SKIC3: variants seen among roughly 807,000 people sequenced by gnomAD.
SKIC3 encodes SKI3 subunit of superkiller complex.
chr5:95,470,028 G>A, the SKIC3 span: 4 of 1,219,008 alleles, frequency 3.3e-6, no homozygotes, highest in East Asian at 1.2e-4. Flanking sequence ...CCAGCCTGGA[G>A]TGCAGTGGCG....
At chr5:95,500,210 A>G in the SKIC3 span, among the ~76,000 whole-genome samples, 1 of 152,208 alleles carries the variant, frequency 6.6e-6, no homozygotes, top group African/African-American at 2.4e-5. Context: ...TGTACCAGGA[A>G]TCACAAGTTA....
the SKIC3 span, chr5:95,497,365 C>A: frequency 7.2e-7 from 1 of 1,385,698 alleles, no homozygotes; most frequent in Admixed American, 1.8e-5. Context: ...TCATATTTAC[C>A]ATATCACAAG....
At chr5:95,498,625 G>GT in the SKIC3 span, 1 of 1,380,598 alleles carries the variant, frequency 7.2e-7, no homozygotes, top group Admixed American at 2.0e-5. Flanking sequence ...CCATTAGTTA[G>GT]TCTTTTTTTT....
chr5:95,539,208 GGACTAA>G, the SKIC3 span, among the ~76,000 whole-genome samples: 2 of 151,632 alleles, frequency 1.3e-5, no homozygotes, highest in African/African-American at 4.8e-5. Context: ...TGTAATTCAT[GGACTAA>G]TATCCAGAAT....
the SKIC3 span, among the ~76,000 whole-genome samples, chr5:95,535,292 C>T: frequency 2.0e-5 from 3 of 150,102 alleles, no homozygotes; most frequent in African/African-American, 7.4e-5. Flanking sequence ...AAAACCAGAG[C>T]TGAAGGTAAC....
At chr5:95,515,874 T>C in the SKIC3 span, among the ~76,000 whole-genome samples, 1 of 152,150 alleles carries the variant, frequency 6.6e-6, no homozygotes, top group Non-Finnish European at 1.5e-5. Flanking sequence ...AATTGCCTAA[T>C]GTATAATTGC....
the SKIC3 span, chr5:95,467,806 G>C: frequency 6.2e-7 from 1 of 1,604,378 alleles, no homozygotes. Flanking sequence ...TTAGATCAAA[G>C]ATAAAACATT....
At chr5:95,514,916 T>A in the SKIC3 span, 1 of 1,612,388 alleles carries the variant, frequency 6.2e-7, no homozygotes, top group Non-Finnish European at 8.5e-7. Flanking sequence ...GAAAGCCTCA[T>A]GAGCTTGCTA....
chr5:95,466,722 T>C, the SKIC3 span, among the ~76,000 whole-genome samples: 2 of 152,208 alleles, frequency 1.3e-5, no homozygotes, highest in Admixed American at 1.3e-4. Context: ...GCCTTGCTTC[T>C]TGCTTAAATA....
At chr5:95,467,963 A>C in the SKIC3 span, 1 of 1,613,278 alleles carries the variant, frequency 6.2e-7, no homozygotes, top group Non-Finnish European at 8.5e-7. Context: ...CTGATATACC[A>C]CTCTTTCCAA....
the SKIC3 span, chr5:95,546,937 T>C: frequency 1.3e-5 from 12 of 907,800 alleles, no homozygotes; most frequent in South Asian, 1.4e-4. Flanking sequence ...ACCATTCTAA[T>C]GGTTCTACTA....
chr5:95,501,148 T>C, the SKIC3 span, among the ~76,000 whole-genome samples: 2 of 152,104 alleles, frequency 1.3e-5, no homozygotes, highest in African/African-American at 4.8e-5. Context: ...AATTTCAATA[T>C]TGATAACAAA....
At chr5:95,477,254 T>C in the SKIC3 span, among the ~76,000 whole-genome samples, 2 of 152,104 alleles carry the variant, frequency 1.3e-5, no homozygotes, top group African/African-American at 2.4e-5. Flanking sequence ...GAACCCCCTA[T>C]GCACAAGGCA....
At chr5:95,487,215 G>T in the SKIC3 span, among the ~76,000 whole-genome samples, 9 of 152,280 alleles carry the variant, frequency 5.9e-5, no homozygotes, top group Non-Finnish European at 1.3e-4. Flanking sequence ...TGTGGGGGCT[G>T]GGACTGGCTC....
At chr5:95,470,964 T>C in the SKIC3 span, among the ~76,000 whole-genome samples, 6 of 152,160 alleles carry the variant, frequency 3.9e-5, no homozygotes, top group Admixed American at 1.3e-4. Flanking sequence ...ATCTAAAATA[T>C]GTATTTTAAT....
the SKIC3 span, among the ~76,000 whole-genome samples, chr5:95,547,792 A>G: frequency 6.6e-6 from 1 of 152,084 alleles, no homozygotes; most frequent in Non-Finnish European, 1.5e-5. Context: ...CACTAACACA[A>G]ATAATTTCAG....
chr5:95,522,155 T>C, the SKIC3 span: 1 of 1,613,928 alleles, frequency 6.2e-7, no homozygotes, highest in Non-Finnish European at 8.5e-7. Context: ...TGCTGCAACC[T>C]TAAACACACT....
chr5:95,517,446 A>C, the SKIC3 span: 1 of 1,075,458 alleles, frequency 9.3e-7, no homozygotes, highest in South Asian at 1.5e-5. Context: ...CTCCTAACTG[A>C]ATCATATCAT....
At chr5:95,468,827 G>A in the SKIC3 span, among the ~76,000 whole-genome samples, 1 of 152,168 alleles carries the variant, frequency 6.6e-6, no homozygotes, top group South Asian at 2.1e-4. Flanking sequence ...GGTAGGGGGT[G>A]AAGGGGAGAT....
Sources: allele counts gnomAD v4.1 joint callset (sites outside exome capture counted in the v4.1 genomes callset), GRCh38; gene constraint gnomAD v4.1.1; transcripts MANE v1.5; gene names NCBI Gene and HGNC (gene_info 2026-07-23, HGNC 2026-07-21).